Variants in CASK observed in about 807,000 individuals in gnomAD.
CASK encodes peripheral plasma membrane protein CASK.
CASK carries 4 observed loss-of-function variants against 82.9 expected under a neutral mutation model. That is an observed-to-expected ratio of 0.05 (90% CI 0.02 to 0.11). The LOEUF (loss-of-function observed/expected upper bound fraction) is 0.11, where lower values mean the gene tolerates loss of function less well. Among genes scored for constraint, CASK ranks in the 10% least tolerant of loss-of-function variants. The pLI, the probability that CASK is intolerant of heterozygous loss-of-function variation, is 1.00. For missense variants in CASK, 358 were observed against 720.9 expected (o/e 0.50, Z 5.76); for synonymous variants, 259 against 253.5 (o/e 1.02, Z -0.20).
intron 14 of CASK, among the ~76,000 whole-genome samples, chrX:41,579,976 G>A (rs956520246): frequency 1.5e-4 from 17 of 111,631 alleles, no homozygotes; most frequent in African/African-American, 5.5e-4. Context: ...GGTCTAAACT[G>A]GGATTTGGGT....
At position 41,860,496 on chromosome X, in the gene CASK, A is replaced by G. The variant is rs2071457907; in HGVS notation, c.60-7269T>C. On this transcript the variant is annotated intron_variant, in intron 1 of 26. Coordinates refer to ENST00000378163, the MANE Select transcript of CASK (RefSeq NM_001367721.1). Reference sequence around the variant, plus strand: ...TTAGTGTAGTCATTGCCACTAAAGAAGAGCTTATGCATATAATTTCATCAA... The same window carrying G: ...TTAGTGTAGTCATTGCCACTAAAGAGGAGCTTATGCATATAATTTCATCAA... Among the ~76,000 whole-genome samples the G allele has an allele frequency of 2.7e-5, 3 of 112,459 alleles. No individual in the cohort carries two copies. In the South Asian group the frequency reaches 1.1e-3, roughly 42 times the overall value.
At chrX:41,632,983 C>A (rs1020491968) in intron 9 of CASK, among the ~76,000 whole-genome samples, 1 of 100,987 alleles carries the variant, frequency 9.9e-6, no homozygotes, top group Non-Finnish European at 2.0e-5. Flanking sequence ...GCGGAGGCTG[C>A]AGTGAGCCGA....
intron 14 of CASK, chrX:41,584,686 G>C (rs1185220597): frequency 1.8e-5 from 2 of 111,303 alleles, no homozygotes; most frequent in African/African-American, 6.5e-5. Flanking sequence ...CTGGCCTGCT[G>C]CTCACCTCCT....
intron 2 of CASK, among the ~76,000 whole-genome samples, chrX:41,847,942 T>G (rs962528653): frequency 8.9e-6 from 1 of 112,306 alleles, no homozygotes; most frequent in Admixed American, 9.4e-5. Context: ...AATTAAGGCC[T>G]TCTTAGATTT....
chrX:41,824,813 T>C (rs952917803), intron 2 of CASK, among the ~76,000 whole-genome samples: 4 of 111,574 alleles, frequency 3.6e-5, no homozygotes, highest in African/African-American at 1.3e-4. Flanking sequence ...CAGATCTTAG[T>C]GCTGCCAGGA....
At chrX:41,823,687 C>T (rs943005626) in intron 2 of CASK, among the ~76,000 whole-genome samples, 2 of 111,336 alleles carry the variant, frequency 1.8e-5, no homozygotes, top group Non-Finnish European at 3.8e-5. Flanking sequence ...TTGATCTCAG[C>T]GTCTATGACA....
intron 15 of CASK, among the ~76,000 whole-genome samples, chrX:41,573,080 T>C (rs1197457957): frequency 9.6e-6 from 1 of 103,789 alleles, no homozygotes; most frequent in East Asian, 2.9e-4. Context: ...TTTTTCTTTT[T>C]TTTTTTTTTT....
chrX:41,622,140 G>A (rs1235327219), intron 11 of CASK, among the ~76,000 whole-genome samples: 1 of 111,987 alleles, frequency 8.9e-6, no homozygotes, highest in Non-Finnish European at 1.9e-5. Flanking sequence ...CTATCTGATG[G>A]TAAAAGTTGT....
intron 1 of CASK, among the ~76,000 whole-genome samples, chrX:41,880,616 C>G (rs1824574033): frequency 8.9e-6 from 1 of 111,901 alleles, no homozygotes. Flanking sequence ...TCTCTTCAGG[C>G]AGACCCAATC....
chrX:41,517,975 T>C lies in CASK; in HGVS notation c.*2445A>G. 1 of 412,030 alleles carries C rather than the reference T, an allele frequency of 2.4e-6. No homozygotes were observed. The highest frequency in any genetic ancestry group is 3.6e-5 in the South Asian group (1 of 28,083). 34.0% of individuals were successfully genotyped at this position (412,030 alleles called of 1,213,427 possible). A position where few individuals can be genotyped will look rare whatever the true frequency, so the allele number is the denominator to read the frequency against. On this transcript the variant is annotated 3_prime_UTR_variant, in exon 27 of 27. Transcript: ENST00000378163. Reference sequence around the variant, plus strand: ...GCATGCAGGGATTTCACCATCGGAATGATGGCAAGAATGATGCCTGCCTGT... The same window carrying C: ...GCATGCAGGGATTTCACCATCGGAACGATGGCAAGAATGATGCCTGCCTGT...
chrX:41,894,045 T>C (rs769116045), intron 1 of CASK, among the ~76,000 whole-genome samples: 4 of 111,602 alleles, frequency 3.6e-5, no homozygotes, highest in African/African-American at 6.5e-5. Flanking sequence ...AAGCAGCCAA[T>C]AGAAACTTCC....
chrX:41,875,507 C>T (rs2071796937), intron 1 of CASK, among the ~76,000 whole-genome samples: 1 of 111,385 alleles, frequency 9.0e-6, no homozygotes, highest in Admixed American at 9.6e-5. Flanking sequence ...CACCCATAAC[C>T]TACTGTTTAT....
intron 5 of CASK, chrX:41,728,033 G>A (rs1602531701): frequency 1.9e-6 from 2 of 1,074,334 alleles, no homozygotes; most frequent in East Asian, 3.1e-5. Flanking sequence ...CAATCATATG[G>A]TTGACTTTTG....
intron 21 of CASK, among the ~76,000 whole-genome samples, chrX:41,544,089 T>C (rs1050575446): frequency 8.9e-6 from 1 of 112,321 alleles, no homozygotes; most frequent in African/African-American, 3.2e-5. Context: ...TTGTAGAAAT[T>C]CTTTATATAG....
chrX:41,843,038 T>G (rs2071077560), intron 2 of CASK, among the ~76,000 whole-genome samples: 1 of 111,983 alleles, frequency 8.9e-6, no homozygotes, highest in African/African-American at 3.2e-5. Flanking sequence ...CTTGCTAAGC[T>G]CACTTATTAC....
chrX:41,615,784 G>A (rs578165903), intron 11 of CASK, among the ~76,000 whole-genome samples: 6 of 109,313 alleles, frequency 5.5e-5, no homozygotes, highest in African/African-American at 2.0e-4. Flanking sequence ...AGGTTACCAC[G>A]CCCAGCTAAT....
chrX:41,668,955 C>T (rs1411894267), intron 6 of CASK, among the ~76,000 whole-genome samples: 1 of 110,875 alleles, frequency 9.0e-6, no homozygotes, highest in Non-Finnish European at 1.9e-5. Flanking sequence ...TCTTGAACTC[C>T]TGGGCTCAAT....
At chrX:41,706,692 C>T (rs764072493) in intron 5 of CASK, among the ~76,000 whole-genome samples, 103 of 111,810 alleles carry the variant, frequency 9.2e-4, no homozygotes, top group African/African-American at 3.0e-3. Flanking sequence ...CACTCTGTCA[C>T]CTAGGCTGGA....
rs1210252308 is a variant in CASK at position 41,677,132 on chromosome X, C to T, written c.430-5602G>A. Among the ~76,000 whole-genome samples, 5 of 105,654 alleles carry T rather than the reference C, an allele frequency of 4.7e-5. 1 individual carries two copies. The highest frequency in any genetic ancestry group is 4.1e-4 in the Admixed American group (4 of 9,828). 91.7% of individuals were successfully genotyped at this position (105,654 alleles called of 115,157 possible). On this transcript the variant is annotated intron_variant, in intron 5 of 26. Transcript: ENST00000378163. ...GACCAGCCTGGGCAACATGGCAAAA[C>T]CCCATCTCTATTTTATAGAAAAATG... is the stretch of plus-strand genomic sequence containing the variant.
Sources: allele counts gnomAD v4.1 joint callset (sites outside exome capture counted in the v4.1 genomes callset), GRCh38; gene constraint gnomAD v4.1.1; transcripts MANE v1.5; gene names NCBI Gene and HGNC (gene_info 2026-07-23, HGNC 2026-07-21).